SCG3: variants seen among roughly 807,000 people sequenced by gnomAD.
SCG3 encodes the protein secretogranin III.
A neutral mutation model predicts 56.2 loss-of-function variants in SCG3; 38 were observed. The observed-to-expected ratio is 0.68, with a 90% CI of 0.52 to 0.89. The LOEUF is 0.89. Among genes scored for constraint, SCG3 ranks in the 40% least tolerant of loss-of-function variants. The pLI is 0.00. For missense variants in SCG3, 524 were observed against 540.7 expected, an observed-to-expected ratio of 0.97 and a Z score of 0.31; for synonymous variants, 176 against 184.2, an observed-to-expected ratio of 0.96 and a Z score of 0.36.
intron 9 of SCG3, among the ~76,000 whole-genome samples, chr15:51,700,650 A>G (rs965621623): frequency 6.6e-6 from 1 of 152,180 alleles, no homozygotes. Flanking sequence ...CTGTCTTTCA[A>G]AAATGCAATG....
chr15:51,697,887 A>G (rs2055314150), intron 8 of SCG3, among the ~76,000 whole-genome samples: 1 of 152,206 alleles, frequency 6.6e-6, no homozygotes, highest in Admixed American at 6.5e-5. Context: ...ATTTTTCTGT[A>G]TAAGCACATT....
intron 4 of SCG3, among the ~76,000 whole-genome samples, chr15:51,685,014 A>G (rs10519315): frequency 0.021 from 3,233 of 152,260 alleles, 92 homozygotes; most frequent in East Asian, 0.095. Context: ...TCTGTTCCAT[A>G]GCTACAGGAG....
intron 7 of SCG3, among the ~76,000 whole-genome samples, chr15:51,694,434 AG>A (rs544210200): frequency 0.02 from 2,982 of 151,954 alleles, no homozygotes; most frequent in East Asian, 0.088. Flanking sequence ...GTGGAAAAAA[AG>A]AAAGATTCCA....
chr15:51,683,196 T>C, intron 3 of SCG3, 23 bp from the exon 4 acceptor site: 1 of 1,608,474 alleles, frequency 6.2e-7, no homozygotes, highest in Non-Finnish European at 8.5e-7. Flanking sequence ...ATGGCTGTGT[T>C]GGGTTTGGGG....
At chr15:51,692,010 C>A in intron 6 of SCG3, 149 bp from the exon 7 acceptor site, 1 of 648,922 alleles carries the variant, frequency 1.5e-6, no homozygotes, top group Non-Finnish European at 2.5e-6. Flanking sequence ...GCACACATAT[C>A]TAGAAATGGG....
At chr15:51,701,321 A>G in intron 10 of SCG3, 77 bp downstream of exon 10, 1 of 1,412,908 alleles carries the variant, frequency 7.1e-7, no homozygotes, top group South Asian at 1.4e-5. Flanking sequence ...AGGGTGATCC[A>G]AAGAGCAAGC....
chr15:51,710,284 T>A (rs968780307), intron 10 of SCG3, among the ~76,000 whole-genome samples: 4 of 152,104 alleles, frequency 2.6e-5, no homozygotes, highest in Non-Finnish European at 5.9e-5. Flanking sequence ...TAATAAGTAG[T>A]CACCTTCTGA....
At chr15:51,702,342 C>T (rs936896572) in intron 10 of SCG3, among the ~76,000 whole-genome samples, 23 of 152,086 alleles carry the variant, frequency 1.5e-4, no homozygotes, top group African/African-American at 5.6e-4. Context: ...CTGCAACCTC[C>T]ACCTCCTGGG....
At chr15:51,702,661 G>T (rs1025833436) in intron 10 of SCG3, among the ~76,000 whole-genome samples, 2 of 152,142 alleles carry the variant, frequency 1.3e-5, no homozygotes, top group African/African-American at 4.8e-5. Flanking sequence ...CCGAATGTGG[G>T]ATCTAGTTGT....
intron 1 of SCG3, among the ~76,000 whole-genome samples, chr15:51,682,181 T>G (rs2055199073): frequency 6.6e-6 from 1 of 152,180 alleles, no homozygotes; most frequent in Admixed American, 6.5e-5. Flanking sequence ...GAAAGAGCTT[T>G]TAGTGTGCCA....
At chr15:51,715,609 C>G (rs2899478) in intron 11 of SCG3, among the ~76,000 whole-genome samples, 9,418 of 152,150 alleles carry the variant, frequency 0.062, 423 homozygotes, top group African/African-American at 0.12. Context: ...CTCCTTTGAG[C>G]CTTACAACCT....
Position 51,681,637 on chromosome 15 carries a change from T to TC in SCG3, c.-116dup. The TC allele has an allele frequency of 1.7e-6, 1 of 582,690 alleles. No homozygotes were observed. Among genetic ancestry groups the TC allele is most frequent in the Non-Finnish European group, 3.3e-6 (1 of 307,202 alleles). The allele number at this position is 582,690 out of a possible 1,614,324, so 36.1% of individuals were successfully genotyped here. A position where few individuals can be genotyped will look rare whatever the true frequency, so the allele number is the denominator to read the frequency against. On this transcript the variant is annotated 5_prime_UTR_variant, in exon 1 of 12. Coordinates refer to ENST00000220478, the MANE Select transcript of SCG3 (RefSeq NM_013243.4). ...TGCAGCCGCCCAGTCCCGGCCCCTC[T>TC]CCCGCCCCACACCCACCCTCCTGGC...
In SCG3 at chr15:51,719,814, T is replaced by G; in HGVS notation, c.*288T>G. 2 of 330,344 alleles carry G rather than the reference T, an allele frequency of 6.1e-6. No individual in the cohort carries two copies. The highest frequency in any genetic ancestry group is 5.6e-6 in the Non-Finnish European group (1 of 179,388). The allele number at this position is 330,344 out of a possible 1,614,324, so 20.5% of individuals were successfully genotyped here. ...TGCTTTGAAAAAGCCTCTAATGGAC[T>G]GACCTTAAAACTCATCCTTCTTCCA... On this transcript the variant is annotated 3_prime_UTR_variant, in exon 12 of 12. Coordinates refer to ENST00000220478, the MANE Select transcript of SCG3 (RefSeq NM_013243.4).
chr15:51,694,894 G>C (rs2055292859), intron 7 of SCG3, among the ~76,000 whole-genome samples: 1 of 152,108 alleles, frequency 6.6e-6, no homozygotes, highest in African/African-American at 2.4e-5. Flanking sequence ...AGCCAGGCAT[G>C]GTGGCGCACG....
chr15:51,708,856 C>G (rs1219852258), intron 10 of SCG3, among the ~76,000 whole-genome samples: 1 of 141,566 alleles, frequency 7.1e-6, no homozygotes, highest in Non-Finnish European at 1.6e-5. Flanking sequence ...GAGACTCCAT[C>G]TAAAAAAAAA....
chr15:51,717,492 C>T (rs1173966736), intron 11 of SCG3, among the ~76,000 whole-genome samples: 1 of 149,088 alleles, frequency 6.7e-6, no homozygotes, highest in Non-Finnish European at 1.5e-5. Context: ...CATGATCATA[C>T]GACTGCATCC....
chr15:51,713,572 C>A (rs2055434762), intron 11 of SCG3, among the ~76,000 whole-genome samples, 159 bp downstream of exon 11: 1 of 152,154 alleles, frequency 6.6e-6, no homozygotes. Flanking sequence ...AACAGAACCT[C>A]CATTTCTCTT....
At chr15:51,707,299 T>C (rs1298999245) in intron 10 of SCG3, among the ~76,000 whole-genome samples, 1 of 152,202 alleles carries the variant, frequency 6.6e-6, no homozygotes, top group Non-Finnish European at 1.5e-5. Flanking sequence ...CCAGAAAAGT[T>C]AGCCTATTTA....
intron 7 of SCG3, 145 bp downstream of exon 7, chr15:51,692,481 G>A (rs1195982769): frequency 1.0e-5 from 7 of 667,934 alleles, no homozygotes; most frequent in African/African-American, 1.8e-5. Context: ...GGTTCACATC[G>A]ATTTTTTTTT....
Sources: gnomAD v4.1 joint callset for allele counts (sites outside exome capture counted in the v4.1 genomes callset) on GRCh38, gnomAD v4.1.1 for gene constraint, MANE v1.5 for transcripts, NCBI Gene and HGNC (gene_info 2026-07-23, HGNC 2026-07-21) for gene names.